The following CLNK variants were observed in gnomAD, a reference collection of about 807,000 sequenced individuals.
The protein encoded by CLNK is cytokine-dependent hematopoietic cell linker.
CLNK carries 74 observed loss-of-function variants against 68.6 expected under a neutral mutation model. The ratio of observed to expected loss-of-function variants is 1.08; its 90% confidence interval spans 0.89 to 1.31. CLNK has a LOEUF of 1.31. Among genes scored for constraint, CLNK ranks in the 50% most tolerant of loss-of-function variants. CLNK has a pLI of 0.00. For synonymous variants in CLNK, 198 were observed against 172.2 expected, an observed-to-expected ratio of 1.15 and a Z score of -1.17; for missense variants, 553 against 515.3, an observed-to-expected ratio of 1.07 and a Z score of -0.71.
intron 17 of CLNK, among the ~76,000 whole-genome samples, chr4:10,502,902 G>T (rs565425053): frequency 2.6e-5 from 4 of 152,154 alleles, no homozygotes; most frequent in Non-Finnish European, 4.4e-5. Flanking sequence ...GAGACTGAGG[G>T]TTTCCAAAAG....
intron 1 of CLNK, among the ~76,000 whole-genome samples, chr4:10,680,988 T>G (rs1029892329): frequency 4.0e-5 from 6 of 150,540 alleles, no homozygotes; most frequent in African/African-American, 1.2e-4. Context: ...GACGTCCTGA[T>G]ATATATATAT....
intron 2 of CLNK, among the ~76,000 whole-genome samples, chr4:10,644,471 T>C (rs772772990): frequency 6.6e-6 from 1 of 152,180 alleles, no homozygotes; most frequent in Non-Finnish European, 1.5e-5. Context: ...TGAGACACAC[T>C]GAGGTTTGGT....
chr4:10,620,632 G>C (rs1475409745), intron 2 of CLNK, among the ~76,000 whole-genome samples: 1 of 152,104 alleles, frequency 6.6e-6, no homozygotes, highest in African/African-American at 2.4e-5. Context: ...TCTCAAAACC[G>C]AGACCCAGTT....
intron 4 of CLNK, among the ~76,000 whole-genome samples, chr4:10,579,214 A>G (rs1172141884): frequency 6.6e-6 from 1 of 152,206 alleles, no homozygotes; most frequent in African/African-American, 2.4e-5. Flanking sequence ...TTCCCCTGGC[A>G]GGTTCCAAAC....
intron 11 of CLNK, among the ~76,000 whole-genome samples, chr4:10,533,770 C>T (rs569280395): frequency 1.6e-4 from 25 of 152,142 alleles, no homozygotes; most frequent in Non-Finnish European, 3.2e-4. Flanking sequence ...GAAAGATTGG[C>T]TGTAGGGCTT....
intron 18 of CLNK, among the ~76,000 whole-genome samples, chr4:10,493,127 GCCAA>G (rs758156706): frequency 3.9e-5 from 6 of 152,166 alleles, no homozygotes; most frequent in Admixed American, 6.5e-5. Context: ...GGCCAGCCTG[GCCAA>G]CATAGTGAAA....
At chr4:10,678,397 C>T (rs564823977) in intron 1 of CLNK, among the ~76,000 whole-genome samples, 21 of 152,132 alleles carry the variant, frequency 1.4e-4, no homozygotes, top group South Asian at 4.1e-4. Flanking sequence ...GCATCAGTGC[C>T]GTGAAAAACT....
In CLNK at chr4:10,520,696, G is replaced by A. The variant is rs1380868650; in HGVS notation, c.772+95C>T. 20 of 856,238 alleles carry A rather than the reference G, an allele frequency of 2.3e-5. No homozygotes were observed. The South Asian group carries it at 2.4e-4, about 10-fold the overall frequency. 53.0% of individuals were successfully genotyped at this position (856,238 alleles called of 1,614,324 possible). A position where few individuals can be genotyped will look rare whatever the true frequency, so the allele number is the denominator to read the frequency against. ...AATTACATCTGTACACATCAGCTCAGTGGCTCTGGGGTTCACAACAGCTAA... is the reference window on the plus strand; with the variant it reads ...AATTACATCTGTACACATCAGCTCAATGGCTCTGGGGTTCACAACAGCTAA... On this transcript the variant is annotated intron_variant, in intron 15 of 18. Coordinates refer to ENST00000226951, the MANE Select transcript of CLNK (RefSeq NM_052964.4).
intron 11 of CLNK, among the ~76,000 whole-genome samples, chr4:10,535,263 G>GA (rs1553847901): frequency 2.8e-5 from 4 of 144,706 alleles, no homozygotes; most frequent in African/African-American, 1.0e-4. Flanking sequence ...AAGAAAGAAA[G>GA]AAAAAATGGA....
At chr4:10,578,579 CTTTTTTTTT>C (rs5856062) in intron 4 of CLNK, among the ~76,000 whole-genome samples, 25 of 44,924 alleles carry the variant, frequency 5.6e-4, no homozygotes, top group African/African-American at 1.8e-3. Context: ...CTTACCTTAT[CTTTTTTTTT>C]TTTTTTTTTT....
intron 5 of CLNK, among the ~76,000 whole-genome samples, chr4:10,571,326 CTTTTTTTTTTTTTTTTT>C (rs60429766): frequency 1.5e-5 from 1 of 64,600 alleles, no homozygotes; most frequent in Non-Finnish European, 2.7e-5. Flanking sequence ...GTTGCTGTTG[CTTTTTTTTTTTTTTTTT>C]TTTTTTTTGA....
intron 4 of CLNK, among the ~76,000 whole-genome samples, chr4:10,578,401 C>T (rs1720650111): frequency 6.6e-6 from 1 of 152,050 alleles, no homozygotes; most frequent in African/African-American, 2.4e-5. Flanking sequence ...AGCTGTGAGG[C>T]ACAGAGATTC....
At chr4:10,725,234 A>T in the CLNK span, among the ~76,000 whole-genome samples, 1 of 152,086 alleles carries the variant, frequency 6.6e-6, no homozygotes, top group East Asian at 1.9e-4. Flanking sequence ...TAATGCCTTG[A>T]CTGGAGCACA....
At chr4:10,584,334 T>C (rs1421636524) in intron 4 of CLNK, among the ~76,000 whole-genome samples, 1 of 152,236 alleles carries the variant, frequency 6.6e-6, no homozygotes. Flanking sequence ...TCTCCATTTT[T>C]CTGCCTCATT....
chr4:10,641,337 G>C (rs184740484), intron 2 of CLNK, among the ~76,000 whole-genome samples: 3 of 152,274 alleles, frequency 2.0e-5, no homozygotes, highest in Admixed American at 6.5e-5. Flanking sequence ...AGAGACAGCA[G>C]GTGGTTCCCA....
intron 7 of CLNK, 89 bp from the exon 8 acceptor site, chr4:10,558,541 A>G (rs182993564): frequency 3.9e-6 from 5 of 1,283,878 alleles, no homozygotes; most frequent in Admixed American, 1.7e-5. Context: ...TAGGTTCCCA[A>G]GGATAAAGCC....
At chr4:10,602,311 A>G (rs1721615362) in intron 2 of CLNK, among the ~76,000 whole-genome samples, 1 of 152,194 alleles carries the variant, frequency 6.6e-6, no homozygotes, top group African/African-American at 2.4e-5. Flanking sequence ...ACGTGTACCA[A>G]GGTGTATGTC....
chr4:10,524,298 G>C (rs973042925), intron 14 of CLNK, among the ~76,000 whole-genome samples: 3 of 152,164 alleles, frequency 2.0e-5, no homozygotes, highest in Non-Finnish European at 4.4e-5. Flanking sequence ...GAAAGGCATA[G>C]GGTATGGTGA....
At chr4:10,662,945 T>C (rs1470968035) in intron 2 of CLNK, among the ~76,000 whole-genome samples, 2 of 152,202 alleles carry the variant, frequency 1.3e-5, no homozygotes, top group African/African-American at 2.4e-5. Context: ...TGCTCTCTGA[T>C]CTATCCCCAA....
Sources: allele counts gnomAD v4.1 joint callset (sites outside exome capture counted in the v4.1 genomes callset), GRCh38; gene constraint gnomAD v4.1.1; transcripts MANE v1.5; gene names NCBI Gene and HGNC (gene_info 2026-07-23, HGNC 2026-07-21).